The following PLCL1 variants were observed in gnomAD, a reference collection of about 807,000 sequenced individuals.
PLCL1 encodes phospholipase C like 1 (inactive).
A neutral mutation model predicts 84.4 loss-of-function variants in PLCL1; 41 were observed. The ratio of observed to expected loss-of-function variants is 0.49; its 90% CI spans 0.38 to 0.63. The LOEUF (loss-of-function observed/expected upper bound fraction) is 0.63, where lower values mean the gene tolerates loss of function less well. Ranked by LOEUF, PLCL1 falls within the 30% of genes least tolerant of loss-of-function variation. The probability of loss-of-function intolerance (pLI) is 0.00; values close to 1 mark genes in which losing one functional copy is unlikely to be tolerated. For missense variants in PLCL1, 1,206 were observed against 1,367.8 expected (o/e 0.88, Z 1.87); for synonymous variants, 490 against 488.3 (o/e 1.00, Z -0.05).
intron 1 of PLCL1, among the ~76,000 whole-genome samples, chr2:197,974,175 G>C (rs1193471902): frequency 6.6e-6 from 1 of 152,168 alleles, no homozygotes; most frequent in Non-Finnish European, 1.5e-5. Context: ...ACCTGGGGAG[G>C]AACTGGTTTG....
chr2:198,142,784 A>G (rs1421092855), intron 5 of PLCL1, among the ~76,000 whole-genome samples: 1 of 151,808 alleles, frequency 6.6e-6, no homozygotes, highest in Non-Finnish European at 1.5e-5. Context: ...CCTTTGAGTT[A>G]AAGCATCCTT....
Position 197,805,361 on chromosome 2 carries a change from C to A in PLCL1, c.240+22C>A. The A allele has an allele frequency of 7.5e-7, 1 of 1,338,054 alleles. No homozygotes were observed. Among genetic ancestry groups the A allele is most frequent in the Non-Finnish European group, 9.5e-7 (1 of 1,050,160 alleles). The allele number at this position is 1,338,054 out of a possible 1,614,324, so 82.9% of individuals were successfully genotyped here. A position where few individuals can be genotyped will look rare whatever the true frequency, so the allele number is the denominator to read the frequency against. Reference sequence around the variant, plus strand: ...CAAGGTAAGCAAAGCCGCGCCGCACCGGGAGCGTGGCTGTGGGTGATGGGT... The same window carrying A: ...CAAGGTAAGCAAAGCCGCGCCGCACAGGGAGCGTGGCTGTGGGTGATGGGT... On this transcript the variant is annotated intron_variant, in intron 1 of 5. Coordinates refer to ENST00000428675, the MANE Select transcript of PLCL1 (RefSeq NM_006226.4). This position sits in a 1 kb window ranked among gnomAD's most constrained non-coding sequence, Gnocchi z 4.0.
In PLCL1 at chr2:197,926,669, G is replaced by A. The variant is rs7568623; in HGVS notation, c.240+121330G>A. Among the ~76,000 whole-genome samples, 231 of 152,258 alleles carry A rather than the reference G, an allele frequency of 1.5e-3. 1 individual carries two copies. The highest frequency in any genetic ancestry group is 4.4e-3 in the African/African-American group (182 of 41,550). ...TATCATTTGTCTACTATTGGCCTGC[G>A]CATTTGCTGAAACTGCAGCCTATTG... On this transcript the variant is annotated intron_variant, in intron 1 of 5. Transcript: ENST00000428675.
intron 1 of PLCL1, among the ~76,000 whole-genome samples, chr2:198,013,620 TA>T (rs1690920322): frequency 6.6e-6 from 1 of 152,086 alleles, no homozygotes; most frequent in Admixed American, 6.6e-5. Flanking sequence ...AAGCGTATCA[TA>T]GGTGGTCTGA....
At chr2:197,929,038 TAAC>T (rs1183462218) in intron 1 of PLCL1, among the ~76,000 whole-genome samples, 22 of 152,348 alleles carry the variant, frequency 1.4e-4, no homozygotes, top group African/African-American at 5.0e-4. Flanking sequence ...ATGTGTCACT[TAAC>T]TAAATGAGAT....
At chr2:197,914,126 C>G (rs1015079150) in intron 1 of PLCL1, among the ~76,000 whole-genome samples, 1 of 152,002 alleles carries the variant, frequency 6.6e-6, no homozygotes, top group Non-Finnish European at 1.5e-5. Flanking sequence ...AGCTAACCAT[C>G]CCAGGAGTAT....
At position 197,863,178 on chromosome 2, in the gene PLCL1, A is replaced by G. The variant is rs867274610; in HGVS notation, c.240+57839A>G. Among the ~76,000 whole-genome samples, 10 of 134,694 alleles carry G rather than the reference A, an allele frequency of 7.4e-5. No individual in the cohort carries two copies. The Middle Eastern group carries it at 0.018, about 242-fold the overall frequency. The allele number at this position is 134,694 out of a possible 152,430, so 88.4% of individuals were successfully genotyped here. A position where few individuals can be genotyped will look rare whatever the true frequency, so the allele number is the denominator to read the frequency against. ...TTCTTAAAGCGTTTTTTTTTTTTTT[A>G]ATGATTATGTGCCTTTCACGCAATT... On this transcript the variant is annotated intron_variant, in intron 1 of 5. Coordinates refer to ENST00000428675, the MANE Select transcript of PLCL1 (RefSeq NM_006226.4).
rs532336188 is a variant in PLCL1 at position 197,877,374 on chromosome 2, G to C, written c.240+72035G>C. On this transcript the variant is annotated intron_variant, in intron 1 of 5. Coordinates refer to ENST00000428675, the MANE Select transcript of PLCL1 (RefSeq NM_006226.4). The stretch of plus-strand genomic sequence containing the variant: ...CAACATGAGGGGCCTGTGTTTATAA[G>C]GGCTTTTAAAGTTAATTATACCATT... 1.4e-4 allele frequency among the ~76,000 whole-genome samples: 22 copies of C among 152,096 alleles called. No homozygotes were observed. The South Asian group carries it at 4.4e-3, about 30-fold the overall frequency.
At chr2:197,942,876 A>AT (rs1404003511) in intron 1 of PLCL1, among the ~76,000 whole-genome samples, 5 of 152,014 alleles carry the variant, frequency 3.3e-5, no homozygotes, top group Non-Finnish European at 5.9e-5. Context: ...TGATTTGGAA[A>AT]TTTTTTCCTG....
At chr2:197,916,868 T>A (rs1055239757) in intron 1 of PLCL1, among the ~76,000 whole-genome samples, 1 of 152,198 alleles carries the variant, frequency 6.6e-6, no homozygotes, top group African/African-American at 2.4e-5. Context: ...GTCATTTTTG[T>A]CATTAGGGAA....
intron 1 of PLCL1, among the ~76,000 whole-genome samples, chr2:197,923,422 G>A (rs1688760310): frequency 7.0e-6 from 1 of 143,402 alleles, no homozygotes; most frequent in East Asian, 2.2e-4. Flanking sequence ...CCAGGCAGAG[G>A]GTCTCCTCAC....
intron 1 of PLCL1, among the ~76,000 whole-genome samples, chr2:197,995,801 CTTCT>C (rs1267759966): frequency 6.6e-6 from 1 of 152,160 alleles, no homozygotes; most frequent in Non-Finnish European, 1.5e-5. Context: ...CTGGTATCTG[CTTCT>C]TTGTTTGGCT....
At chr2:198,035,155 C>T (rs192809281) in intron 1 of PLCL1, among the ~76,000 whole-genome samples, 25 of 152,140 alleles carry the variant, frequency 1.6e-4, no homozygotes, top group East Asian at 9.7e-4. Context: ...GTGTTAATGA[C>T]GGTCAGTTTT....
At chr2:197,921,237 C>T (rs907235615) in intron 1 of PLCL1, among the ~76,000 whole-genome samples, 7 of 152,068 alleles carry the variant, frequency 4.6e-5, no homozygotes, top group East Asian at 1.9e-4. Flanking sequence ...TTGAACAAAG[C>T]GTTATGTGGT....
At position 197,805,219 on chromosome 2, in the gene PLCL1, C is replaced by T. The variant is rs1156535455; in HGVS notation, c.120C>T (p.Gly40=). ...AGDCVTAASG[G]RMRDRRSGVA... ...ACTGCGTGACGGCGGCCTCTGGGGG[C>T]CGGATGAGGGACCGTCGCAGCGGGG... Residue 40 remains glycine, a synonymous_variant, in exon 1 of 6, where the codon GGC becomes GGT. Coordinates refer to ENST00000428675, the MANE Select transcript of PLCL1 (RefSeq NM_006226.4). The surrounding 1 kb of genome is among the most constrained non-coding windows in gnomAD (Gnocchi z 4.0). 2 of 1,274,722 alleles carry T rather than the reference C, an allele frequency of 1.6e-6. No individual in the cohort carries two copies. Among genetic ancestry groups the T allele is most frequent in the Non-Finnish European group, 2.0e-6 (2 of 1,012,570 alleles). The allele number at this position is 1,274,722 out of a possible 1,614,324, so 79.0% of individuals were successfully genotyped here. A position where few individuals can be genotyped will look rare whatever the true frequency, so the allele number is the denominator to read the frequency against.
intron 1 of PLCL1, among the ~76,000 whole-genome samples, chr2:197,967,336 A>G (rs1311888157): frequency 6.6e-6 from 1 of 152,150 alleles, no homozygotes; most frequent in Non-Finnish European, 1.5e-5. Context: ...AGCTGGGATT[A>G]TAGGCACGTG....
At chr2:197,917,083 TA>T (rs1177547216) in intron 1 of PLCL1, among the ~76,000 whole-genome samples, 1 of 152,228 alleles carries the variant, frequency 6.6e-6, no homozygotes, top group Non-Finnish European at 1.5e-5. Flanking sequence ...ACAGCCACTT[TA>T]AAAGATAGTT....
At chr2:198,093,479 C>G (rs187898894) in intron 3 of PLCL1, among the ~76,000 whole-genome samples, 3 of 152,084 alleles carry the variant, frequency 2.0e-5, no homozygotes, top group Non-Finnish European at 4.4e-5. Context: ...AACCACCCCC[C>G]CAACCTACCA....
chr2:197,817,298 C>T (rs968823454), intron 1 of PLCL1, among the ~76,000 whole-genome samples: 3 of 151,992 alleles, frequency 2.0e-5, no homozygotes, highest in African/African-American at 7.3e-5. Flanking sequence ...CTCATACTTT[C>T]TCATGTTTAT....
Sources: gnomAD v4.1 joint callset for allele counts (sites outside exome capture counted in the v4.1 genomes callset) on GRCh38, gnomAD v4.1.1 for gene constraint, Gnocchi (gnomAD v3.1) non-coding constraint, MANE v1.5 for transcripts, NCBI Gene and HGNC (gene_info 2026-07-23, HGNC 2026-07-21) for gene names.